Variants in MTPAP observed in about 807,000 individuals in gnomAD.
MTPAP encodes mitochondrial poly(A) polymerase.
Under a neutral mutation model 48.7 loss-of-function variants are expected in MTPAP, and 23 were observed. The ratio of observed to expected loss-of-function variants is 0.47; its 90% CI spans 0.34 to 0.67. MTPAP has a LOEUF of 0.67. MTPAP is among the 30% of genes least tolerant of loss of function. The pLI is 0.01. For missense variants in MTPAP, 614 were observed against 694.3 expected, an observed-to-expected ratio of 0.88 and a Z score of 1.30; for synonymous variants, 257 against 254.1, an observed-to-expected ratio of 1.01 and a Z score of -0.11.
chr10:30,336,623 T>C (rs1008572366), intron 4 of MTPAP, among the ~76,000 whole-genome samples, 180 bp downstream of exon 4: 28 of 152,240 alleles, frequency 1.8e-4, no homozygotes, highest in Admixed American at 7.9e-4. Flanking sequence ...AATGATCACA[T>C]AGTAGAACAA....
intron 5 of MTPAP, among the ~76,000 whole-genome samples, chr10:30,325,053 G>A (rs911396825): frequency 5.3e-5 from 8 of 151,374 alleles, no homozygotes; most frequent in Non-Finnish European, 1.0e-4. Context: ...GTGATTAAGT[G>A]TTTTATGTAT....
chr10:30,313,013 G>C lies in MTPAP; in HGVS notation c.*596C>G, dbSNP rs1260065277. On this transcript the variant is annotated 3_prime_UTR_variant, in exon 9 of 9. Transcript: ENST00000263063. ...CCCACTTTAATTTATATGTGAATAA[G>C]AGAACTTCGCTTGAAAAATACAAAT... The C allele has an allele frequency of 1.3e-5, 2 of 154,018 alleles. No homozygotes were observed. Among genetic ancestry groups the C allele is most frequent in the African/African-American group, 4.8e-5 (2 of 41,408 alleles). 9.5% of individuals were successfully genotyped at this position (154,018 alleles called of 1,614,324 possible).
chr10:30,326,715 C>G, intron 4 of MTPAP, 80 bp from the exon 5 acceptor site: 1 of 1,027,684 alleles, frequency 9.7e-7, no homozygotes, highest in African/African-American at 1.6e-5. Context: ...AAAGAATGCT[C>G]TAAATCACTG....
chr10:30,330,008 T>C lies in MTPAP; in HGVS notation c.781-3373A>G, dbSNP rs529074933. On this transcript the variant is annotated intron_variant, in intron 4 of 8. Transcript: ENST00000263063. ...TTTTCTATACGCACAGGAAAAAAAA[T>C]CCAGAATATATTAAATTATTCACCG... Among the ~76,000 whole-genome samples the C allele has an allele frequency of 1.6e-4, 24 of 151,908 alleles. No homozygotes were observed. In the East Asian group the frequency reaches 4.4e-3, roughly 28 times the overall value.
At chr10:30,343,708 C>A (rs1004288195) in intron 1 of MTPAP, among the ~76,000 whole-genome samples, 2 of 152,138 alleles carry the variant, frequency 1.3e-5, no homozygotes, top group Non-Finnish European at 2.9e-5. Context: ...GCCGGTATTA[C>A]AGGCGTGCGC....
chr10:30,329,059 C>T (rs150466877), intron 4 of MTPAP, among the ~76,000 whole-genome samples: 3,686 of 151,904 alleles, frequency 0.024, 130 homozygotes, highest in African/African-American at 0.083. Flanking sequence ...GCCTGGCCAA[C>T]ATGGTGAAAC....
At chr10:30,345,023 T>A (rs376712815) in intron 1 of MTPAP, among the ~76,000 whole-genome samples, 41 of 152,276 alleles carry the variant, frequency 2.7e-4, no homozygotes, top group African/African-American at 9.9e-4. Flanking sequence ...TAGAATTTTC[T>A]CAGGTAGAAG....
chr10:30,327,794 C>T (rs190401471), intron 4 of MTPAP, among the ~76,000 whole-genome samples: 8 of 149,136 alleles, frequency 5.4e-5, no homozygotes, highest in Middle Eastern at 3.4e-3. Context: ...TGCAGTGAGT[C>T]GAGATCACAC....
At chr10:30,339,862 A>G (rs1406652519) in intron 3 of MTPAP, 1 of 249,352 alleles carries the variant, frequency 4.0e-6, no homozygotes, top group Non-Finnish European at 7.9e-6. Flanking sequence ...ACATGAGGAA[A>G]TCTACAGTGA....
rs200176618 is a variant in MTPAP at position 30,325,272 on chromosome 10, TGAGA to T, written c.992+1148_992+1151del. Among the ~76,000 whole-genome samples, 1,486 of 152,312 alleles carry T rather than the reference TGAGA, an allele frequency of 9.8e-3. 21 individuals are homozygous for T. The highest frequency in any genetic ancestry group is 0.032 in the African/African-American group (1,348 of 41,560). ...CAGACTTTACTCCATGAGTTTTACTTGAGAGAAAGTCGCAAGTACTTATGATTGG... is the reference window on the plus strand; with the variant it reads ...CAGACTTTACTCCATGAGTTTTACTTGAAAGTCGCAAGTACTTATGATTGG... On this transcript the variant is annotated intron_variant, in intron 5 of 8. Coordinates refer to ENST00000263063, the MANE Select transcript of MTPAP (RefSeq NM_018109.4).
chr10:30,327,334 A>T (rs1403192719), intron 4 of MTPAP, among the ~76,000 whole-genome samples: 1 of 34,116 alleles, frequency 2.9e-5, no homozygotes, highest in Non-Finnish European at 5.2e-5. Context: ...TTAAAAATAC[A>T]AAAAAAAAAA....
chr10:30,341,227 A>C (rs1328723751), intron 2 of MTPAP, among the ~76,000 whole-genome samples: 2 of 152,228 alleles, frequency 1.3e-5, no homozygotes, highest in African/African-American at 4.8e-5. Flanking sequence ...GTCTCTTAAA[A>C]AATAAAATTA....
intron 6 of MTPAP, among the ~76,000 whole-genome samples, chr10:30,318,352 G>A (rs1840684650): frequency 6.6e-6 from 1 of 152,094 alleles, no homozygotes; most frequent in Non-Finnish European, 1.5e-5. Flanking sequence ...TTTATAATAT[G>A]TTGAAGGAGC....
intron 1 of MTPAP, among the ~76,000 whole-genome samples, chr10:30,346,782 C>T (rs1216822777): frequency 6.6e-6 from 1 of 152,130 alleles, no homozygotes; most frequent in East Asian, 1.9e-4. Context: ...CACTTATCCC[C>T]CACCCCATGA....
intron 4 of MTPAP, among the ~76,000 whole-genome samples, chr10:30,330,859 G>C (rs1238402569): frequency 1.3e-5 from 2 of 152,220 alleles, no homozygotes; most frequent in Non-Finnish European, 2.9e-5. Context: ...GGTAGCGCAG[G>C]TGGAGATGAA....
rs1299149862 is a variant in MTPAP at position 30,310,370 on chromosome 10, G to A, written c.*3239C>T. On this transcript the variant is annotated 3_prime_UTR_variant, in exon 9 of 9. Transcript: ENST00000263063. ...GGAGGGCGAGGTGGGCAGGTCACCT[G>A]AGGTCAGGAGTTCGAGACCAGCCTG... The A allele has an allele frequency of 6.6e-6, 1 of 152,130 alleles. No homozygotes were observed. Among genetic ancestry groups the A allele is most frequent in the African/African-American group, 2.4e-5 (1 of 41,396 alleles). The allele number at this position is 152,130 out of a possible 1,614,324, so 9.4% of individuals were successfully genotyped here.
intron 1 of MTPAP, among the ~76,000 whole-genome samples, chr10:30,345,267 C>A (rs544050125): frequency 6.6e-6 from 1 of 152,228 alleles, no homozygotes; most frequent in Non-Finnish European, 1.5e-5. Flanking sequence ...TACTTTATTT[C>A]TTTTAAAAAG....
At chr10:30,324,405 A>T (rs1368326926) in intron 5 of MTPAP, among the ~76,000 whole-genome samples, 1 of 151,986 alleles carries the variant, frequency 6.6e-6, no homozygotes, top group Non-Finnish European at 1.5e-5. Flanking sequence ...AATTAAAAAA[A>T]TAGTCAGGCG....
intron 1 of MTPAP, chr10:30,348,789 G>T: frequency 2.8e-6 from 1 of 354,438 alleles, no homozygotes; most frequent in Non-Finnish European, 5.3e-6. Context: ...GCTCAGGTGT[G>T]TAGCATTACT....
Sources: gnomAD v4.1 joint callset for allele counts (sites outside exome capture counted in the v4.1 genomes callset) on GRCh38, gnomAD v4.1.1 for gene constraint, MANE v1.5 for transcripts, NCBI Gene and HGNC (gene_info 2026-07-23, HGNC 2026-07-21) for gene names.